Variants in DMD observed in about 807,000 individuals in gnomAD.
DMD encodes the protein dystrophin.
DMD carries 63 observed loss-of-function variants against 330.1 expected under a neutral mutation model. That is an observed-to-expected ratio of 0.19 (90% CI 0.16 to 0.24). The LOEUF (loss-of-function observed/expected upper bound fraction) is 0.24. DMD is among the 10% of genes least tolerant of loss of function. DMD has a pLI of 1.00. For missense variants in DMD, 3,344 were observed against 2,684.1 expected (o/e 1.25, Z -5.43); for synonymous variants, 1,223 against 959.8 (o/e 1.27, Z -5.07).
rs764512011 is a variant in DMD, at chrX:31,875,243, C to G, written c.7043G>C (p.Arg2348Thr). The change falls in exon 48 of 79, where the codon AGG (arginine) becomes ACG (threonine). Residue 2348 changes from arginine to threonine, a missense_variant. Arg to Thr is a moderately conservative substitution (Grantham distance 71). Transcript: ENST00000357033. ...NHLLLWLSPIRNQLEIYNQPN... is the reference protein window; with the variant it reads ...NHLLLWLSPITNQLEIYNQPN... ...TTGGTTATAAATTTCCAACTGATTCCTAATAGGAGATAACCACAGCAGCAG... is the reference window on the plus strand; with the variant it reads ...TTGGTTATAAATTTCCAACTGATTCGTAATAGGAGATAACCACAGCAGCAG... 1 of 1,196,383 alleles carries G rather than the reference C, an allele frequency of 8.4e-7. No individual in the cohort carries two copies. Among genetic ancestry groups the G allele is most frequent in the South Asian group, 1.8e-5 (1 of 55,597 alleles).
At chrX:33,065,424 GATTC>G (rs1394417336) in intron 1 of DMD, among the ~76,000 whole-genome samples, 1 of 112,220 alleles carries the variant, frequency 8.9e-6, no homozygotes, top group East Asian at 2.8e-4. Flanking sequence ...TTATCAGTTT[GATTC>G]ATTAAGGGAC....
intron 1 of DMD, among the ~76,000 whole-genome samples, chrX:33,078,174 T>G (rs920591848): frequency 4.5e-5 from 5 of 111,438 alleles, no homozygotes; most frequent in African/African-American, 1.6e-4. Context: ...GAAAGTGACA[T>G]TCTTTACTTA....
rs144064633 is a variant in DMD, at chrX:31,911,931, G to A, written c.6912+17665C>T. 3.4e-3 allele frequency among the ~76,000 whole-genome samples: 384 copies of A among 111,864 alleles called. 5 individuals carry two copies. The highest frequency in any genetic ancestry group is 0.012 in the African/African-American group (365 of 30,811). ...GATAAGTGGGTGCCTCATAAGCAGA[G>A]CGAAAATAAAAGTATCGTCATTTTG... On this transcript the variant is annotated intron_variant, in intron 47 of 78. Transcript: ENST00000357033.
At chrX:31,492,428 C>A (rs972424915) in intron 57 of DMD, among the ~76,000 whole-genome samples, 1 of 112,081 alleles carries the variant, frequency 8.9e-6, no homozygotes, top group Admixed American at 9.5e-5. Flanking sequence ...TTGAGTCAAA[C>A]AGGCTACTAA....
chrX:32,521,359 G>T (rs2046402400), intron 17 of DMD, among the ~76,000 whole-genome samples: 1 of 111,132 alleles, frequency 9.0e-6, no homozygotes, highest in South Asian at 3.8e-4. Flanking sequence ...TCTTCCTTTG[G>T]CTTCATGATG....
intron 60 of DMD, among the ~76,000 whole-genome samples, chrX:31,433,460 CTT>C (rs758507823): frequency 1.0e-4 from 10 of 97,945 alleles, no homozygotes; most frequent in Admixed American, 2.2e-4. Flanking sequence ...TTCTTTCTTT[CTT>C]TTTTTTTTTT....
intron 9 of DMD, among the ~76,000 whole-genome samples, chrX:32,672,621 T>G (rs971848497): frequency 6.3e-5 from 7 of 110,858 alleles, no homozygotes; most frequent in Non-Finnish European, 9.5e-5. Flanking sequence ...TACAACATTT[T>G]ATGCTTTAAC....
intron 1 of DMD, among the ~76,000 whole-genome samples, chrX:33,031,026 A>G (rs1048651123): frequency 9.0e-6 from 1 of 111,586 alleles, no homozygotes; most frequent in Admixed American, 9.5e-5. Context: ...AGTAAAGGTT[A>G]ATAAAATGGC....
intron 44 of DMD, among the ~76,000 whole-genome samples, chrX:32,030,884 G>A (rs1159480361): frequency 8.9e-6 from 1 of 111,736 alleles, no homozygotes; most frequent in Non-Finnish European, 1.9e-5. Flanking sequence ...TCACAAGTTA[G>A]CTAGTGGAAG....
intron 55 of DMD, among the ~76,000 whole-genome samples, chrX:31,551,196 A>C (rs976585519): frequency 3.7e-5 from 4 of 109,311 alleles, no homozygotes; most frequent in Non-Finnish European, 7.6e-5. Context: ...AAAAAAAAAA[A>C]AGAGGTATTT....
intron 15 of DMD, among the ~76,000 whole-genome samples, chrX:32,569,337 C>A (rs893856726): frequency 8.9e-6 from 1 of 111,962 alleles, no homozygotes; most frequent in African/African-American, 3.2e-5. Flanking sequence ...GAGTTTTCCA[C>A]CTATATTATG....
chrX:32,362,767 C>G (rs756370677), intron 37 of DMD, 21 bp downstream of exon 37: 1 of 1,210,220 alleles, frequency 8.3e-7, no homozygotes, highest in South Asian at 1.8e-5. Flanking sequence ...CAAGTTTCCA[C>G]CTTGGAGTAG....
chrX:33,139,027 G>A (rs992790866), intron 1 of DMD, among the ~76,000 whole-genome samples: 1 of 111,245 alleles, frequency 9.0e-6, no homozygotes, highest in Admixed American at 9.7e-5. Flanking sequence ...AAACCAGTCC[G>A]GGAGGGCAAA....
At chrX:31,163,156 C>T (rs1288018789) in intron 74 of DMD, among the ~76,000 whole-genome samples, 2 of 111,882 alleles carry the variant, frequency 1.8e-5, no homozygotes, top group Non-Finnish European at 3.8e-5. Context: ...GCTGGATCTC[C>T]ACCCAAATCT....
At position 32,438,302 on chromosome X, in the gene DMD, T is replaced by A; in HGVS notation, c.4010A>T (p.Asp1337Val). 8.3e-7 allele frequency: 1 copy of A among 1,211,432 alleles called. No homozygotes were observed. Among genetic ancestry groups the A allele is most frequent in the Non-Finnish European group, 1.1e-6 (1 of 895,149 alleles). The change falls in exon 29 of 79, where the codon GAT (aspartate) becomes GTT (valine). Residue 1337 changes from aspartate (D) to valine (V), a missense_variant. Physicochemically the swap from Asp to Val is radical, Grantham distance 152. Transcript: ENST00000357033. ...AQTLTDGGVM[D>V]ELINEELETF... is the part of the protein sequence containing the mutation. ...CTCAAGTTCCTCATTGATTAGCTCA[T>A]CCATGACTCCGCCATCTGTTAGGGT...
At chrX:31,569,605 T>TGTATATACGTGTATATAC (rs2075658653) in intron 55 of DMD, among the ~76,000 whole-genome samples, 1 of 89,613 alleles carries the variant, frequency 1.1e-5, no homozygotes, top group Non-Finnish European at 2.3e-5. Flanking sequence ...TACACATATA[T>TGTATATACGTGTATATAC]GTATATACGT....
intron 74 of DMD, among the ~76,000 whole-genome samples, chrX:31,164,217 C>T (rs1317922010): frequency 3.6e-5 from 4 of 111,977 alleles, no homozygotes; most frequent in African/African-American, 1.3e-4. Context: ...ACGGTTTCAA[C>T]TACCACCTGT....
intron 13 of DMD, among the ~76,000 whole-genome samples, chrX:32,587,125 GTACTATAAAAATT>G (rs2054380802): frequency 9.0e-6 from 1 of 111,538 alleles, no homozygotes; most frequent in African/African-American, 3.3e-5. Context: ...CCGAAGATAT[GTACTATAAAAATT>G]TCAGTTACCT....
intron 48 of DMD, among the ~76,000 whole-genome samples, chrX:31,862,139 A>G (rs1318670691): frequency 1.8e-5 from 2 of 110,135 alleles, no homozygotes; most frequent in African/African-American, 6.6e-5. Flanking sequence ...CAAAATTATT[A>G]TTATTATTAT....
Sources: gnomAD v4.1 joint callset for allele counts (sites outside exome capture counted in the v4.1 genomes callset) on GRCh38, gnomAD v4.1.1 for gene constraint, MANE v1.5 for transcripts, NCBI Gene and HGNC (gene_info 2026-07-23, HGNC 2026-07-21) for gene names.